Variants in IL5RA observed in about 807,000 individuals in gnomAD.
The protein encoded by IL5RA is interleukin-5 receptor subunit alpha.
A neutral mutation model predicts 50.0 loss-of-function variants in IL5RA; 49 were observed. The observed-to-expected ratio is 0.98, with a 90% CI of 0.78 to 1.24. The LOEUF (loss-of-function observed/expected upper bound fraction) is 1.24. Among genes scored for constraint, IL5RA ranks in the 50% most tolerant of loss-of-function variants. The probability of loss-of-function intolerance (pLI) is 0.00; values close to 1 mark genes in which losing one functional copy is unlikely to be tolerated. For synonymous variants in IL5RA, 202 were observed against 174.0 expected, an observed-to-expected ratio of 1.16 and a Z score of -1.26; for missense variants, 600 against 500.4, an observed-to-expected ratio of 1.20 and a Z score of -1.90.
rs1574968845 is a variant in IL5RA, at chr3:3,067,832, A to T, written c.*2393T>A. The T allele has an allele frequency of 6.6e-6, 1 of 152,236 alleles. No individual in the cohort carries two copies. Among genetic ancestry groups the T allele is most frequent in the Non-Finnish European group, 1.5e-5 (1 of 68,124 alleles). The allele number at this position is 152,236 out of a possible 1,614,324, so 9.4% of individuals were successfully genotyped here. ...TGATCTATGGCTGCTGAGTGGAGGG[A>T]GGAGTCTGAAGTGGGCACCACACCA... On this transcript the variant is annotated 3_prime_UTR_variant, in exon 12 of 12. Transcript: ENST00000446632.
At chr3:3,100,515 A>C (rs1703594561) in intron 5 of IL5RA, among the ~76,000 whole-genome samples, 1 of 152,232 alleles carries the variant, frequency 6.6e-6, no homozygotes, top group Admixed American at 6.5e-5. Context: ...GAAAGTCCAC[A>C]CCCAAGTACA....
chr3:3,091,285 A>G (rs1703087038), intron 9 of IL5RA, among the ~76,000 whole-genome samples: 1 of 152,218 alleles, frequency 6.6e-6, no homozygotes, highest in Non-Finnish European at 1.5e-5. Context: ...ACTCGTTGCC[A>G]GAGTTCAGGG....
Position 3,098,075 on chromosome 3 carries a change from C to G in IL5RA, c.522-18G>C. 1.9e-6 allele frequency: 3 copies of G among 1,614,026 alleles called. No individual in the cohort carries two copies. The highest frequency in any genetic ancestry group is 2.5e-6 in the Non-Finnish European group (3 of 1,179,938). ...AGCCATACCTAAATTGGAACATTTA[C>G]GAGTGTTATGAGGTTGCAGGAAACA... On this transcript the variant is annotated intron_variant, in intron 6 of 11. Coordinates refer to ENST00000446632, the MANE Select transcript of IL5RA (RefSeq NM_175726.4).
rs545271329 is a variant in IL5RA, at chr3:3,092,048, C to T, written c.994+176G>A. 2 of 1,371,230 alleles carry T rather than the reference C, an allele frequency of 1.5e-6. No homozygotes were observed. Among genetic ancestry groups the T allele is most frequent in the South Asian group, 1.9e-5 (1 of 51,636 alleles). 84.9% of individuals were successfully genotyped at this position (1,371,230 alleles called of 1,614,324 possible). A position where few individuals can be genotyped will look rare whatever the true frequency, so the allele number is the denominator to read the frequency against. On this transcript the variant is annotated intron_variant, in intron 9 of 11. Coordinates refer to ENST00000446632, the MANE Select transcript of IL5RA (RefSeq NM_175726.4). This position sits in a 1 kb window ranked among gnomAD's most constrained non-coding sequence, Gnocchi z 4.2. Reference sequence around the variant, plus strand: ...GAGAAGCCTAGACACTTAAAAACTTCACTGGCTTCATGGCAAATCTATTCC... The same window carrying T: ...GAGAAGCCTAGACACTTAAAAACTTTACTGGCTTCATGGCAAATCTATTCC...
At chr3:3,103,768 T>G (rs1200260112) in intron 3 of IL5RA, among the ~76,000 whole-genome samples, 1 of 148,990 alleles carries the variant, frequency 6.7e-6, no homozygotes, top group African/African-American at 2.5e-5. Flanking sequence ...AAGAATGGAA[T>G]TAACATATGA....
intron 9 of IL5RA, chr3:3,090,254 A>C (rs753656521): frequency 5.7e-6 from 9 of 1,588,288 alleles, no homozygotes; most frequent in Non-Finnish European, 7.7e-6. Context: ...TATCTTGAGA[A>C]CCCTAGGAAA....
chr3:3,076,723 G>A (rs958013427), intron 9 of IL5RA, 96 bp from the exon 10 acceptor site: 2 of 715,934 alleles, frequency 2.8e-6, no homozygotes, highest in Non-Finnish European at 4.7e-6. Context: ...AGACAGCTCA[G>A]GTTTGAGTTG....
intron 3 of IL5RA, among the ~76,000 whole-genome samples, chr3:3,104,122 C>T (rs1230187248): frequency 6.6e-6 from 1 of 152,218 alleles, no homozygotes; most frequent in African/African-American, 2.4e-5. Flanking sequence ...CTTATTGCAA[C>T]CTCTGCCTCT....
chr3:3,089,561 GT>G (rs769599544), intron 9 of IL5RA, among the ~76,000 whole-genome samples: 1 of 152,088 alleles, frequency 6.6e-6, no homozygotes, highest in Admixed American at 6.5e-5. Context: ...TCTTCCAATG[GT>G]TGATGAATAC....
chr3:3,091,870 A>G, intron 9 of IL5RA: 1 of 513,354 alleles, frequency 1.9e-6, no homozygotes, highest in Non-Finnish European at 2.6e-6. Context: ...GGAAAACTGG[A>G]TGAAAGAGAC....
intron 3 of IL5RA, 56 bp from the exon 4 acceptor site, chr3:3,102,876 C>T (rs946290020): frequency 3.4e-6 from 5 of 1,458,550 alleles, no homozygotes; most frequent in Non-Finnish European, 4.7e-6. Context: ...ATAGGCAGCA[C>T]TTTTAAAACT....
chr3:3,085,258 C>T (rs1702808343), intron 9 of IL5RA, among the ~76,000 whole-genome samples: 1 of 152,210 alleles, frequency 6.6e-6, no homozygotes, highest in Non-Finnish European at 1.5e-5. Context: ...ATTGGGTCAA[C>T]TCTTGTTACT....
chr3:3,095,501 G>T, intron 7 of IL5RA, 57 bp from the exon 8 acceptor site: 8 of 1,386,928 alleles, frequency 5.8e-6, no homozygotes, highest in South Asian at 1.2e-5. Flanking sequence ...GATCAAAGCT[G>T]ATAATTCCAA....
intron 8 of IL5RA, among the ~76,000 whole-genome samples, chr3:3,093,633 AG>A (rs1408584000): frequency 6.6e-6 from 1 of 152,222 alleles, no homozygotes; most frequent in African/African-American, 2.4e-5. Context: ...TTTTCTCACC[AG>A]ACTAGTTTCT....
intron 3 of IL5RA, among the ~76,000 whole-genome samples, chr3:3,103,431 A>T (rs1403589930): frequency 6.6e-6 from 1 of 152,246 alleles, no homozygotes; most frequent in African/African-American, 2.4e-5. Flanking sequence ...ATCAGTGTGC[A>T]TCAAACATAA....
chr3:3,075,150 G>C (rs967040358), intron 10 of IL5RA, among the ~76,000 whole-genome samples: 2 of 150,600 alleles, frequency 1.3e-5, no homozygotes, highest in Non-Finnish European at 3.0e-5. Flanking sequence ...CAAGTGGGTG[G>C]TGCTGATTGA....
At chr3:3,071,551 C>CTGTGTGTG (rs1559858771) in intron 11 of IL5RA, among the ~76,000 whole-genome samples, 32 of 126,480 alleles carry the variant, frequency 2.5e-4, no homozygotes, top group African/African-American at 9.1e-4. Context: ...TCTTCCTTCA[C>CTGTGTGTG]AGTGTGTGTG....
rs1702189020 is a variant in IL5RA, at chr3:3,068,396, A to T, written c.*1829T>A. On this transcript the variant is annotated 3_prime_UTR_variant, in exon 12 of 12. Transcript: ENST00000446632. ...AGATGAACCTAGACAGCATGGCAAA[A>T]CCCCAGCTTTACAAAAAAAAATACA... is the stretch of plus-strand genomic sequence containing the variant. The T allele has an allele frequency of 6.6e-6, 1 of 150,860 alleles. No homozygotes were observed. The highest frequency in any genetic ancestry group is 2.5e-5 in the African/African-American group (1 of 40,584). The allele number at this position is 150,860 out of a possible 1,614,324, so 9.3% of individuals were successfully genotyped here.
At chr3:3,104,159 C>CT (rs1252394444) in intron 3 of IL5RA, among the ~76,000 whole-genome samples, 1 of 152,214 alleles carries the variant, frequency 6.6e-6, no homozygotes, top group Non-Finnish European at 1.5e-5. Context: ...CCTGCTTCAA[C>CT]TTCCCAAGTA....
Sources: allele counts gnomAD v4.1 joint callset (sites outside exome capture counted in the v4.1 genomes callset), GRCh38; gene constraint gnomAD v4.1.1; non-coding constraint Gnocchi (gnomAD v3.1); transcripts MANE v1.5; gene names NCBI Gene and HGNC (gene_info 2026-07-23, HGNC 2026-07-21).